The following TTBK2 variants were observed in gnomAD, a reference collection of about 807,000 sequenced individuals.
TTBK2 encodes the protein tau tubulin kinase 2.
TTBK2 carries 28 observed loss-of-function variants against 110.8 expected under a neutral mutation model. That is an observed-to-expected ratio of 0.25 (90% CI 0.19 to 0.35). TTBK2 has a LOEUF of 0.35. Ranked by LOEUF, TTBK2 falls within the 10% of genes least tolerant of loss-of-function variation. The probability of loss-of-function intolerance (pLI) is 1.00; values close to 1 mark genes in which losing one functional copy is unlikely to be tolerated. For synonymous variants in TTBK2, 532 were observed against 527.3 expected (o/e 1.01, Z -0.12); for missense variants, 1,369 against 1,500.3 (o/e 0.91, Z 1.45).
chr15:42,796,022 T>G (rs191303412), intron 9 of TTBK2, among the ~76,000 whole-genome samples: 1 of 152,206 alleles, frequency 6.6e-6, no homozygotes, highest in East Asian at 1.9e-4. Flanking sequence ...CCTGAGCCAC[T>G]GGGTCAGTGC....
chr15:42,746,202 G>T lies in TTBK2; in HGVS notation c.3328C>A (p.Arg1110Ser), dbSNP rs562644902. Residue 1110 changes from arginine (R) to serine (S), a missense_variant, in exon 15 of 15, where the codon CGC (arginine) becomes AGC (serine). Around this residue, in one of 4 missense-constraint regions of TTBK2, gnomAD observed 1,097 missense variants for 1,114.7 expected, o/e 0.98. Transcript: ENST00000267890. ...CCATTTTGAAGAATTTGGGCCAGGCGGGAGAAAAGGTCTGAGTCGGAGTTA... is the reference window on the plus strand; with the variant it reads ...CCATTTTGAAGAATTTGGGCCAGGCTGGAGAAAAGGTCTGAGTCGGAGTTA... Reference protein sequence around the residue: ...SSNSDSDLFSRLAQILQNGSQ... With the variant: ...SSNSDSDLFSSLAQILQNGSQ... The T allele has an allele frequency of 6.2e-7, 1 of 1,614,054 alleles. No homozygotes were observed. Among genetic ancestry groups the T allele is most frequent in the Non-Finnish European group, 8.5e-7 (1 of 1,180,012 alleles).
intron 9 of TTBK2, chr15:42,802,176 C>T: frequency 7.7e-7 from 1 of 1,297,514 alleles, no homozygotes; most frequent in Non-Finnish European, 1.1e-6. Flanking sequence ...TGGGGTCCAC[C>T]TCCAGGTTAA....
rs375184494 is a variant in TTBK2 at position 42,815,949 on chromosome 15, T to TAA, written c.603+1081_603+1082dup. On this transcript the variant is annotated intron_variant, in intron 7 of 14. Coordinates refer to ENST00000267890, the MANE Select transcript of TTBK2 (RefSeq NM_173500.4). ...ATTTAAAAATATATATATATATATT[T>TAA]AAAAAAAAAATATATATATATATAT... 5.1e-4 allele frequency among the ~76,000 whole-genome samples: 19 copies of TAA among 37,172 alleles called. 1 individual carries two copies. The highest frequency in any genetic ancestry group is 1.7e-3 in the African/African-American group (10 of 5,722). The allele number at this position is 37,172 out of a possible 152,430, so 24.4% of individuals were successfully genotyped here.
chr15:42,821,697 GT>G (rs34360812), intron 6 of TTBK2, among the ~76,000 whole-genome samples: 47,429 of 136,872 alleles, frequency 0.35, 8,420 homozygotes, highest in African/African-American at 0.52. Flanking sequence ...TTTTTTTTTT[GT>G]TTTTTTTTTT....
intron 10 of TTBK2, 101 bp from the exon 11 acceptor site, chr15:42,783,736 AAG>A (rs1890278284): frequency 2.2e-6 from 2 of 913,798 alleles, no homozygotes; most frequent in Admixed American, 2.6e-5. Flanking sequence ...ACACATAATT[AAG>A]AGAGTTAAAA....
chr15:42,868,695 C>CAAA (rs777884907), intron 3 of TTBK2, among the ~76,000 whole-genome samples: 3 of 86,088 alleles, frequency 3.5e-5, no homozygotes, highest in Admixed American at 1.3e-4. Flanking sequence ...TACATCTCTA[C>CAAA]AAAAAAAAAA....
intron 1 of TTBK2, among the ~76,000 whole-genome samples, chr15:42,895,755 C>T (rs1048823837): frequency 6.6e-6 from 1 of 151,756 alleles, no homozygotes; most frequent in Non-Finnish European, 1.5e-5. Flanking sequence ...GACAGGATGG[C>T]CTCGATCTCC....
intron 3 of TTBK2, among the ~76,000 whole-genome samples, chr15:42,843,297 C>G (rs1188630898): frequency 3.3e-5 from 5 of 152,214 alleles, no homozygotes; most frequent in African/African-American, 1.2e-4. Context: ...AACCCACTCT[C>G]TGGCGACAGA....
At chr15:42,821,104 T>C (rs1403484256) in intron 6 of TTBK2, among the ~76,000 whole-genome samples, 2 of 151,942 alleles carry the variant, frequency 1.3e-5, no homozygotes, top group African/African-American at 4.8e-5. Context: ...CTACATACAC[T>C]GACAAGTGAA....
intron 11 of TTBK2, among the ~76,000 whole-genome samples, chr15:42,781,323 C>T (rs192562247): frequency 1.3e-5 from 2 of 152,160 alleles, no homozygotes. Flanking sequence ...AAAATCATTA[C>T]GGAAAAATAT....
chr15:42,792,370 G>T (rs1484021117), intron 10 of TTBK2, among the ~76,000 whole-genome samples: 1 of 151,718 alleles, frequency 6.6e-6, no homozygotes, highest in Non-Finnish European at 1.5e-5. Context: ...TCAAATTACT[G>T]TGTAGTTTCT....
intron 1 of TTBK2, among the ~76,000 whole-genome samples, chr15:42,908,931 T>C (rs953034636): frequency 1.3e-5 from 2 of 152,246 alleles, no homozygotes; most frequent in Non-Finnish European, 2.9e-5. Flanking sequence ...TATATTCATA[T>C]AGCAGCTTCT....
chr15:42,792,204 C>T (rs571951505), intron 10 of TTBK2, among the ~76,000 whole-genome samples: 1 of 152,256 alleles, frequency 6.6e-6, no homozygotes, highest in East Asian at 1.9e-4. Flanking sequence ...ATGTTCCCAA[C>T]ACAAAGAAAT....
chr15:42,814,372 A>C (rs1477781398), intron 7 of TTBK2, among the ~76,000 whole-genome samples: 1 of 152,148 alleles, frequency 6.6e-6, no homozygotes, highest in African/African-American at 2.4e-5. Flanking sequence ...TGAGGCCAGG[A>C]GTTTGAGACC....
At chr15:42,903,552 T>C (rs1191271689) in intron 1 of TTBK2, among the ~76,000 whole-genome samples, 1 of 152,154 alleles carries the variant, frequency 6.6e-6, no homozygotes, top group Non-Finnish European at 1.5e-5. Flanking sequence ...AGTGGAAAAA[T>C]CATGTGACAA....
intron 3 of TTBK2, chr15:42,871,444 C>T (rs767380676): frequency 6.5e-5 from 64 of 985,192 alleles, no homozygotes; most frequent in Non-Finnish European, 7.6e-5. Flanking sequence ...TCCTGCCTCA[C>T]CTGGAAGCAT....
At chr15:42,898,001 A>G (rs927915446) in intron 1 of TTBK2, among the ~76,000 whole-genome samples, 2 of 151,816 alleles carry the variant, frequency 1.3e-5, no homozygotes, top group African/African-American at 4.8e-5. Flanking sequence ...ATCAGCCTGG[A>G]AAACTTGGTG....
chr15:42,886,517 C>T (rs1210009582), intron 1 of TTBK2, among the ~76,000 whole-genome samples: 1 of 152,202 alleles, frequency 6.6e-6, no homozygotes, highest in African/African-American at 2.4e-5. Context: ...CCGCCCTAGA[C>T]CCAGGCGGGC....
Position 42,751,903 on chromosome 15 carries a change from T to C in TTBK2, c.3272+71A>G, listed in dbSNP as rs536878504. ...GGGGGCAACACAGAAATGTTGCCATTGGTGGACTACAATAAAGCAGATATA... is the reference window on the plus strand; with the variant it reads ...GGGGGCAACACAGAAATGTTGCCATCGGTGGACTACAATAAAGCAGATATA... On this transcript the variant is annotated intron_variant, in intron 14 of 14. Transcript: ENST00000267890. 5 of 1,570,722 alleles carry C rather than the reference T, an allele frequency of 3.2e-6. No individual in the cohort carries two copies. The East Asian group carries it at 1.1e-4, about 35-fold the overall frequency.
Sources: allele counts gnomAD v4.1 joint callset (sites outside exome capture counted in the v4.1 genomes callset), GRCh38; gene constraint gnomAD v4.1.1; regional missense constraint gnomAD v4.1.1; transcripts MANE v1.5; gene names NCBI Gene and HGNC (gene_info 2026-07-23, HGNC 2026-07-21).